Variants in CAMSAP2 observed in about 807,000 individuals in gnomAD.
CAMSAP2 encodes calmodulin-regulated spectrin-associated protein 2.
Under a neutral mutation model 146.1 loss-of-function variants are expected in CAMSAP2, and 26 were observed. The observed-to-expected ratio is 0.18, with a 90% CI of 0.13 to 0.25. The LOEUF is 0.25. CAMSAP2 is among the 10% of genes least tolerant of loss of function. The pLI, the probability that CAMSAP2 is intolerant of heterozygous loss-of-function variation, is 1.00. For missense variants in CAMSAP2, 1,381 were observed against 1,759.3 expected (o/e 0.78, Z 3.85); for synonymous variants, 499 against 596.6 (o/e 0.84, Z 2.38).
At chr1:200,808,200 G>T (rs1666233517) in intron 3 of CAMSAP2, among the ~76,000 whole-genome samples, 2 of 152,132 alleles carry the variant, frequency 1.3e-5, no homozygotes, top group Non-Finnish European at 2.9e-5. Flanking sequence ...CCAGTTAGGG[G>T]ATTCTTAGGT....
chr1:200,775,378 G>C (rs1665242349), intron 2 of CAMSAP2, among the ~76,000 whole-genome samples: 1 of 152,212 alleles, frequency 6.6e-6, no homozygotes, highest in African/African-American at 2.4e-5. Context: ...CTATAAGCCA[G>C]ATTTTATTGT....
chr1:200,788,986 A>G (rs1296930926), intron 2 of CAMSAP2, among the ~76,000 whole-genome samples: 4 of 151,730 alleles, frequency 2.6e-5, no homozygotes, highest in African/African-American at 7.3e-5. Context: ...TGCCATCTTT[A>G]TATCTTCTTT....
At chr1:200,752,513 A>G (rs535072308) in intron 1 of CAMSAP2, among the ~76,000 whole-genome samples, 2 of 152,250 alleles carry the variant, frequency 1.3e-5, no homozygotes, top group East Asian at 3.9e-4. Flanking sequence ...TGATACTCTT[A>G]TCTGATTCAC....
chr1:200,794,299 G>A (rs1267975427), intron 2 of CAMSAP2, among the ~76,000 whole-genome samples: 1 of 152,174 alleles, frequency 6.6e-6, no homozygotes, highest in Non-Finnish European at 1.5e-5. Context: ...AGTTTTTTCA[G>A]TAAGTACAAT....
chr1:200,789,478 CA>C (rs918501488), intron 2 of CAMSAP2, among the ~76,000 whole-genome samples: 2 of 151,932 alleles, frequency 1.3e-5, no homozygotes, highest in African/African-American at 4.8e-5. Context: ...TGTCAGAGAT[CA>C]GTTGACTTTG....
intron 6 of CAMSAP2, among the ~76,000 whole-genome samples, chr1:200,839,087 G>C (rs1667252728): frequency 6.6e-6 from 1 of 152,340 alleles, no homozygotes; most frequent in Admixed American, 6.5e-5. Context: ...GCATATATAA[G>C]TGCAGTCAGT....
chr1:200,814,220 C>T (rs891861596), intron 3 of CAMSAP2, among the ~76,000 whole-genome samples: 3 of 151,980 alleles, frequency 2.0e-5, no homozygotes, highest in Middle Eastern at 3.4e-3. Flanking sequence ...TTGGTCCTGT[C>T]TTCTTCCCCT....
intron 15 of CAMSAP2, among the ~76,000 whole-genome samples, chr1:200,856,472 T>C (rs1177954610): frequency 1.3e-5 from 2 of 152,150 alleles, no homozygotes; most frequent in Admixed American, 6.6e-5. Context: ...ATTGTGCACC[T>C]TTAGCAAGTA....
intron 2 of CAMSAP2, among the ~76,000 whole-genome samples, chr1:200,782,641 A>C (rs181223367): frequency 6.6e-6 from 1 of 151,904 alleles, no homozygotes; most frequent in African/African-American, 2.4e-5. Flanking sequence ...ATTCCTTTTT[A>C]TTGCTGAATA....
chr1:200,806,843 G>C (rs1429122227), intron 2 of CAMSAP2, among the ~76,000 whole-genome samples: 1 of 151,362 alleles, frequency 6.6e-6, no homozygotes, highest in Non-Finnish European at 1.5e-5. Context: ...TGTGCCAAAG[G>C]CTAGAAGTCC....
intron 4 of CAMSAP2, among the ~76,000 whole-genome samples, chr1:200,819,793 A>G (rs931018004): frequency 2.0e-5 from 3 of 152,202 alleles, no homozygotes; most frequent in African/African-American, 7.2e-5. Flanking sequence ...CTATATGTAT[A>G]TTACTAGTAG....
chr1:200,753,793 C>A (rs945195790), intron 1 of CAMSAP2, among the ~76,000 whole-genome samples: 1 of 152,188 alleles, frequency 6.6e-6, no homozygotes, highest in African/African-American at 2.4e-5. Context: ...ACTCTGTACT[C>A]CTCTTGCTTG....
chr1:200,780,346 AAC>A (rs2103021105), intron 2 of CAMSAP2, among the ~76,000 whole-genome samples: 1 of 152,308 alleles, frequency 6.6e-6, no homozygotes, highest in African/African-American at 2.4e-5. Context: ...AAAAAAACTT[AAC>A]AGTCTTTTGT....
At position 200,799,714 on chromosome 1, in the gene CAMSAP2, AGT is replaced by A. The variant is rs1205575557; in HGVS notation, c.400-7661_400-7660del. Among the ~76,000 whole-genome samples, 25 of 151,724 alleles carry A rather than the reference AGT, an allele frequency of 1.6e-4. 1 individual carries two copies. The highest frequency in any genetic ancestry group is 1.6e-3 in the Admixed American group (25 of 15,222). On this transcript the variant is annotated intron_variant, in intron 2 of 16. Transcript: ENST00000358823. ...CGTAGTTATTTCTTGTCTTCTGCTA[AGT>A]TTTGAATTTGTTTGTTCTTGCTTCT...
intron 1 of CAMSAP2, among the ~76,000 whole-genome samples, chr1:200,754,696 C>A (rs940374966): frequency 6.7e-6 from 1 of 150,362 alleles, no homozygotes. Flanking sequence ...CATTCTCCTG[C>A]CTCAGCCTCC....
At chr1:200,840,478 G>A (rs1459495029) in intron 6 of CAMSAP2, among the ~76,000 whole-genome samples, 1 of 151,996 alleles carries the variant, frequency 6.6e-6, no homozygotes, top group Non-Finnish European at 1.5e-5. Context: ...TGCCCAGGCT[G>A]GTCTCAACCT....
intron 11 of CAMSAP2, among the ~76,000 whole-genome samples, chr1:200,851,457 A>G (rs1667617479): frequency 6.6e-6 from 1 of 152,196 alleles, no homozygotes; most frequent in Non-Finnish European, 1.5e-5. Context: ...AGCCTCCCAA[A>G]GTGCTGGGAT....
In CAMSAP2 at chr1:200,739,746, C is replaced by G. The variant is rs369375242; in HGVS notation, c.-82C>G. 15 of 1,168,150 alleles carry G rather than the reference C, an allele frequency of 1.3e-5. No individual in the cohort carries two copies. In the South Asian group the frequency reaches 2.1e-4, roughly 17 times the overall value. 72.4% of individuals were successfully genotyped at this position (1,168,150 alleles called of 1,614,324 possible). Reference sequence around the variant, plus strand: ...GCCCCGATGGTTTGAGCTTGCTTCTCCCTCCCTCCCGACCCCCGTGGTGGC... The same window carrying G: ...GCCCCGATGGTTTGAGCTTGCTTCTGCCTCCCTCCCGACCCCCGTGGTGGC... On this transcript the variant is annotated 5_prime_UTR_variant, in exon 1 of 17. Transcript: ENST00000358823. The surrounding 1 kb of genome is among the most constrained non-coding windows in gnomAD (Gnocchi z 4.8).
rs1553294699 is a variant in CAMSAP2 at position 200,853,519 on chromosome 1, T to A, written c.3823+24T>A. 5.8e-6 allele frequency: 9 copies of A among 1,544,386 alleles called. No individual in the cohort carries two copies. Among genetic ancestry groups the A allele is most frequent in the Non-Finnish European group, 8.9e-7 (1 of 1,123,464 alleles). On this transcript the variant is annotated intron_variant, in intron 13 of 16. Coordinates refer to ENST00000358823, the MANE Select transcript of CAMSAP2 (RefSeq NM_203459.4). The surrounding 1 kb of genome is among the most constrained non-coding windows in gnomAD (Gnocchi z 5.1). ...AGGTAACATAGCTTATTATGAAGAG[T>A]CTGTTCATAAAAAACACCAGCTTGA...
Sources: allele counts gnomAD v4.1 joint callset (sites outside exome capture counted in the v4.1 genomes callset), GRCh38; gene constraint gnomAD v4.1.1; non-coding constraint Gnocchi (gnomAD v3.1); transcripts MANE v1.5; gene names NCBI Gene and HGNC (gene_info 2026-07-23, HGNC 2026-07-21).